CASP9: variants seen among roughly 807,000 people sequenced by gnomAD.
CASP9 encodes caspase 9.
Under a neutral mutation model 43.5 loss-of-function variants are expected in CASP9, and 29 were observed. That is an observed-to-expected ratio of 0.67 (90% CI 0.50 to 0.91). CASP9 has a LOEUF of 0.91. Among genes scored for constraint, CASP9 ranks in the 40% least tolerant of loss-of-function variants. The pLI, the probability that CASP9 is intolerant of heterozygous loss-of-function variation, is 0.00. For missense variants in CASP9, 575 were observed against 537.4 expected, an observed-to-expected ratio of 1.07 and a Z score of -0.69; for synonymous variants, 206 against 211.9, an observed-to-expected ratio of 0.97 and a Z score of 0.24.
In CASP9 at chr1:15,493,129, G is replaced by A. The variant is rs118124500; in HGVS notation, c.1159-94C>T. 3.3e-4 allele frequency: 520 copies of A among 1,574,276 alleles called. 1 individual carries two copies. The East Asian group carries it at 0.01, about 31-fold the overall frequency. On this transcript the variant is annotated intron_variant, in intron 8 of 8. Coordinates refer to ENST00000333868, the MANE Select transcript of CASP9 (RefSeq NM_001229.5). ...GCTGGGGGGAATGTCCACTCAACCC[G>A]CACCTTAAAAACAGCTCAAACTGCA... is the stretch of plus-strand genomic sequence containing the variant.
Position 15,518,182 on chromosome 1 carries a change from G to C in CASP9, c.346C>G (p.Arg116Gly), listed in dbSNP as rs754102522. The C allele has an allele frequency of 4.3e-6, 7 of 1,614,048 alleles. No individual in the cohort carries two copies. Among genetic ancestry groups the C allele is most frequent in the South Asian group, 1.1e-5 (1 of 91,086 alleles). Residue 116 changes from arginine to glycine, a missense_variant, in exon 2 of 9, where the codon CGC becomes GGC. Coordinates refer to ENST00000333868, the MANE Select transcript of CASP9 (RefSeq NM_001229.5). ...LTPVVLRPEI[R>G]KPEVLRPETP... is the part of the protein sequence containing the mutation. ...TCCGGTCTGAGAACCTCTGGTTTGC[G>C]AATCTCTGGTCTGAGCACCACTGGG...
intron 2 of CASP9, among the ~76,000 whole-genome samples, chr1:15,516,350 G>T (rs947504344): frequency 6.6e-6 from 1 of 151,596 alleles, no homozygotes; most frequent in African/African-American, 2.4e-5. Flanking sequence ...AAATTAGCCA[G>T]GCCTGGTGGC....
Position 15,492,764 on chromosome 1 carries a change from A to G in CASP9, c.*179T>C. ...ATCTGTCCCTCTTCCTCCACTGTTC[A>G]GCACTTGTCGTCAATCTGGAAGCTG... On this transcript the variant is annotated 3_prime_UTR_variant, in exon 9 of 9. Transcript: ENST00000333868. 2 of 815,278 alleles carry G rather than the reference A, an allele frequency of 2.5e-6. No individual in the cohort carries two copies. The highest frequency in any genetic ancestry group is 3.5e-5 in the South Asian group (2 of 56,966). The allele number at this position is 815,278 out of a possible 1,614,324, so 50.5% of individuals were successfully genotyped here. A position where few individuals can be genotyped will look rare whatever the true frequency, so the allele number is the denominator to read the frequency against.
At chr1:15,494,911 G>A (rs1450985700) in intron 7 of CASP9, among the ~76,000 whole-genome samples, 1 of 149,194 alleles carries the variant, frequency 6.7e-6, no homozygotes, top group Non-Finnish European at 1.5e-5. Flanking sequence ...ACCGCTTGCT[G>A]CAACTACTAC....
At chr1:15,518,432 G>A (rs767440438) in intron 1 of CASP9, 37 bp from the exon 2 acceptor site, 3 of 1,586,258 alleles carry the variant, frequency 1.9e-6, no homozygotes, top group East Asian at 2.2e-5. Flanking sequence ...AATTATCCAC[G>A]TACTTTTATA....
rs757092383 is a variant in CASP9, at chr1:15,518,208, G to A, written c.320C>T (p.Thr107Ile). 68 of 1,614,080 alleles carry A rather than the reference G, an allele frequency of 4.2e-5. No individual in the cohort carries two copies. The highest frequency in any genetic ancestry group is 5.6e-5 in the Non-Finnish European group (66 of 1,180,046). The change falls in exon 2 of 9, where the codon ACC (threonine) becomes ATC (isoleucine). Residue 107 changes from threonine to isoleucine, a missense_variant. Transcript: ENST00000333868. ...KLSKPTLENL[T>I]PVVLRPEIRK... ...AATCTCTGGTCTGAGCACCACTGGG[G>A]TAAGGTTTTCTAGGGTTGGCTTCGA...
chr1:15,524,436 C>G, upstream of CASP9: 1 of 1,249,068 alleles, frequency 8.0e-7, no homozygotes, highest in Non-Finnish European at 1.0e-6. Context: ...CGCCCCGCCC[C>G]CAGGGCCAAG....
chr1:15,494,625 A>G (rs1392844866), intron 7 of CASP9, among the ~76,000 whole-genome samples: 1 of 151,580 alleles, frequency 6.6e-6, no homozygotes, highest in African/African-American at 2.4e-5. Context: ...GCACTTTGGG[A>G]AGCCGAGGCA....
In CASP9 at chr1:15,511,985, C is replaced by T. The variant is rs117683821; in HGVS notation, c.419-4078G>A. Among the ~76,000 whole-genome samples the T allele has an allele frequency of 1.2e-4, 19 of 152,276 alleles. No homozygotes were observed. In the East Asian group the frequency reaches 3.7e-3, roughly 30 times the overall value. ...CTCAATAGGAGGCCCCATGTGAAGT[C>T]CCTCCACACACTGCCTCATTTACTC... On this transcript the variant is annotated intron_variant, in intron 2 of 8. Transcript: ENST00000333868.
At chr1:15,512,912 C>T in intron 2 of CASP9, among the ~76,000 whole-genome samples, 1 of 152,140 alleles carries the variant, frequency 6.6e-6, no homozygotes, top group Non-Finnish European at 1.5e-5. Flanking sequence ...AATCCCACCA[C>T]TTTGGGAGGC....
chr1:15,517,920 T>G (rs923221951), intron 2 of CASP9, among the ~76,000 whole-genome samples, 190 bp downstream of exon 2: 2 of 152,154 alleles, frequency 1.3e-5, no homozygotes, highest in Admixed American at 1.3e-4. Flanking sequence ...CCTCAACACA[T>G]GCTTTTCAGA....
Position 15,517,020 on chromosome 1 carries a change from C to T in CASP9, c.418+1090G>A, listed in dbSNP as rs1010814446. On this transcript the variant is annotated intron_variant, in intron 2 of 8. Coordinates refer to ENST00000333868, the MANE Select transcript of CASP9 (RefSeq NM_001229.5). Reference sequence around the variant, plus strand: ...AGATCATTTATGTAAGCACTCCGAACGGTGCCTGGCAAATAGCAATTACTC... The same window carrying T: ...AGATCATTTATGTAAGCACTCCGAATGGTGCCTGGCAAATAGCAATTACTC... Among the ~76,000 whole-genome samples, 6 of 152,282 alleles carry T rather than the reference C, an allele frequency of 3.9e-5. No individual in the cohort carries two copies. In the South Asian group the frequency reaches 6.2e-4, roughly 16 times the overall value.
At chr1:15,512,616 C>A (rs904001349) in intron 2 of CASP9, among the ~76,000 whole-genome samples, 2 of 152,024 alleles carry the variant, frequency 1.3e-5, no homozygotes, top group South Asian at 2.1e-4. Context: ...AACTTCTCAG[C>A]GTCCATAATT....
chr1:15,518,532 T>TGTGC, intron 1 of CASP9, 137 bp from the exon 2 acceptor site: 1 of 855,736 alleles, frequency 1.2e-6, no homozygotes, highest in Non-Finnish European at 1.8e-6. Flanking sequence ...GTGCACTGTG[T>TGTGC]GCCATTTACC....
chr1:15,518,424 T>G, intron 1 of CASP9, 29 bp from the exon 2 acceptor site: 3 of 1,600,140 alleles, frequency 1.9e-6, no homozygotes, highest in Non-Finnish European at 2.6e-6. Flanking sequence ...AGGATACTAA[T>G]TATCCACGTA....
At chr1:15,495,186 C>G in intron 7 of CASP9, 87 bp downstream of exon 7, 1 of 1,245,972 alleles carries the variant, frequency 8.0e-7, no homozygotes, top group Non-Finnish European at 1.1e-6. Flanking sequence ...GACTCATACC[C>G]TGGTCTTTTC....
Position 15,507,894 on chromosome 1 carries a change from A to C in CASP9, c.432T>G (p.Ser144Arg), listed in dbSNP as rs749227143. The change falls in exon 3 of 9, where the codon AGT becomes AGG. Residue 144 changes from serine to arginine, a missense_variant. Physicochemically the swap from Ser to Arg is moderately radical, Grantham distance 110. Transcript: ENST00000333868. ...GGFGDVGALE[S>R]LRGNADLAYI... ...TCACCAAATCTGCATTTCCCCTCAA[A>C]CTCTCAAGAGCACCTGAAGAGGCAG... The C allele has an allele frequency of 6.2e-7, 1 of 1,614,094 alleles. No homozygotes were observed. The highest frequency in any genetic ancestry group is 8.5e-7 in the Non-Finnish European group (1 of 1,179,980).
At chr1:15,517,677 G>A (rs189904928) in intron 2 of CASP9, among the ~76,000 whole-genome samples, 1 of 152,210 alleles carries the variant, frequency 6.6e-6, no homozygotes, top group Admixed American at 6.5e-5. Flanking sequence ...TGCTATAAAC[G>A]AAGAAGGTAA....
At position 15,504,703 on chromosome 1, in the gene CASP9, G is replaced by A. The variant is rs200094271; in HGVS notation, c.776C>T (p.Ser259Leu). ...GAAGATGTTCACAATCTTCTCGACC[G>A]ACACAGGGCATCCATCTGTGCCGTA... ...AVYGTDGCPVSVEKIVNIFNG... is the reference protein window; with the variant it reads ...AVYGTDGCPVLVEKIVNIFNG... Residue 259 changes from serine (S) to leucine (L), a missense_variant, in exon 6 of 9, where the codon TCG becomes TTG. By Grantham distance (145) the Ser-to-Leu change is moderately radical (BLOSUM62 -2). Coordinates refer to ENST00000333868, the MANE Select transcript of CASP9 (RefSeq NM_001229.5). 30 of 1,614,186 alleles carry A rather than the reference G, an allele frequency of 1.9e-5. No individual in the cohort carries two copies. The East Asian group carries it at 2.5e-4, about 13-fold the overall frequency.
Sources: gnomAD v4.1 joint callset for allele counts (sites outside exome capture counted in the v4.1 genomes callset) on GRCh38, gnomAD v4.1.1 for gene constraint, MANE v1.5 for transcripts, NCBI Gene and HGNC (gene_info 2026-07-23, HGNC 2026-07-21) for gene names.